TEX11: variants seen among roughly 807,000 people sequenced by gnomAD.
TEX11 encodes the protein testis-expressed protein 11.
TEX11 carries 7 observed loss-of-function variants against 84.4 expected under a neutral mutation model. The observed-to-expected ratio is 0.08, with a 90% CI of 0.05 to 0.16. The LOEUF is 0.16. TEX11 is among the 10% of genes least tolerant of loss of function. The pLI is 1.00. For missense variants in TEX11, 551 were observed against 660.5 expected (o/e 0.83, Z 1.82); for synonymous variants, 264 against 222.8 (o/e 1.18, Z -1.64).
rs2088261437 is a variant in TEX11 at position 70,554,539 on chromosome X, T to G, written c.2290+112A>C. ...TTAGAGAAGGAGAAACAAAGTGCTATGAGAAAAAATTATTTCCTACCTGGA... is the reference window on the plus strand; with the variant it reads ...TTAGAGAAGGAGAAACAAAGTGCTAGGAGAAAAAATTATTTCCTACCTGGA... On this transcript the variant is annotated intron_variant, in intron 26 of 29. Coordinates refer to ENST00000374333, the MANE Select transcript of TEX11 (RefSeq NM_031276.3). 4.2e-6 allele frequency: 3 copies of G among 706,041 alleles called. No homozygotes were observed. In the East Asian group the frequency reaches 1.1e-4, roughly 25 times the overall value. 58.2% of individuals were successfully genotyped at this position (706,041 alleles called of 1,213,427 possible). A position where few individuals can be genotyped will look rare whatever the true frequency, so the allele number is the denominator to read the frequency against.
At chrX:70,838,681 C>T (rs909214176) in intron 7 of TEX11, among the ~76,000 whole-genome samples, 140 of 112,392 alleles carry the variant, frequency 1.2e-3, no homozygotes, top group Non-Finnish European at 2.0e-3. Flanking sequence ...CAAAGCAGGG[C>T]GAGGCATCGC....
At chrX:70,632,119 C>T (rs1254993180) in intron 17 of TEX11, among the ~76,000 whole-genome samples, 2 of 64,755 alleles carry the variant, frequency 3.1e-5, no homozygotes, top group Non-Finnish European at 6.5e-5. Flanking sequence ...AAAGGAAAAC[C>T]TGAAAAAAAA....
At chrX:70,852,080 T>C (rs915291940) in intron 7 of TEX11, among the ~76,000 whole-genome samples, 2 of 112,480 alleles carry the variant, frequency 1.8e-5, no homozygotes, top group African/African-American at 3.2e-5. Flanking sequence ...TCTGTGAATA[T>C]ACTAAATTAC....
chrX:70,514,047 C>A, the TEX11 span, among the ~76,000 whole-genome samples: 1 of 109,183 alleles, frequency 9.2e-6, no homozygotes, highest in Non-Finnish European at 1.9e-5. Flanking sequence ...CATTATCCAA[C>A]TGTTTTTGAC....
intron 9 of TEX11, among the ~76,000 whole-genome samples, chrX:70,751,829 G>T (rs1483664231): frequency 9.0e-6 from 1 of 111,621 alleles, no homozygotes; most frequent in Non-Finnish European, 1.9e-5. Flanking sequence ...AGAATAATTT[G>T]AATTCATATG....
intron 23 of TEX11, among the ~76,000 whole-genome samples, chrX:70,606,162 A>T (rs780080896): frequency 1.8e-5 from 2 of 112,628 alleles, no homozygotes; most frequent in East Asian, 5.5e-4. Flanking sequence ...TTCAGTGATC[A>T]TAATCATCAT....
intron 8 of TEX11, among the ~76,000 whole-genome samples, chrX:70,826,367 G>T (rs1000328004): frequency 9.0e-6 from 1 of 110,578 alleles, no homozygotes; most frequent in African/African-American, 3.3e-5. Flanking sequence ...ATAAAAGCCT[G>T]CATTGTTTGT....
At chrX:70,644,065 A>T (rs2147594751) in intron 17 of TEX11, among the ~76,000 whole-genome samples, 1 of 103,427 alleles carries the variant, frequency 9.7e-6, no homozygotes, top group African/African-American at 3.5e-5. Context: ...GAACTCAAAC[A>T]AATTTACAAG....
chrX:70,712,745 A>T (rs1251071546), intron 13 of TEX11, among the ~76,000 whole-genome samples: 1 of 110,762 alleles, frequency 9.0e-6, no homozygotes, highest in African/African-American at 3.3e-5. Context: ...AACAGGGACA[A>T]TTTGACTTCC....
intron 13 of TEX11, among the ~76,000 whole-genome samples, chrX:70,711,237 C>T (rs889282819): frequency 1.8e-4 from 20 of 111,279 alleles, no homozygotes; most frequent in Non-Finnish European, 3.6e-4. Flanking sequence ...TGAATAGTGC[C>T]GCAATAAACA....
intron 11 of TEX11, among the ~76,000 whole-genome samples, chrX:70,728,728 C>T (rs942591862): frequency 9.6e-6 from 1 of 104,030 alleles, no homozygotes; most frequent in African/African-American, 3.5e-5. Context: ...GTAGACTCCA[C>T]CTCTGGGGGC....
chrX:70,855,720 G>A (rs745989955), intron 5 of TEX11, among the ~76,000 whole-genome samples: 22 of 111,175 alleles, frequency 2.0e-4, no homozygotes, highest in African/African-American at 7.2e-4. Context: ...CCATTAGGGC[G>A]GGCCCTAATC....
At chrX:70,883,479 G>A (rs1317613003) in intron 2 of TEX11, among the ~76,000 whole-genome samples, 2 of 110,813 alleles carry the variant, frequency 1.8e-5, no homozygotes, top group African/African-American at 3.3e-5. Context: ...CCAGCTACTC[G>A]GGTGGTTGAG....
At chrX:70,783,065 G>A (rs1393367032) in intron 9 of TEX11, among the ~76,000 whole-genome samples, 5 of 111,091 alleles carry the variant, frequency 4.5e-5, no homozygotes, top group Non-Finnish European at 9.4e-5. Flanking sequence ...TTCTAAAATT[G>A]ACCACATAAT....
At chrX:70,890,268 C>T (rs948247465) in intron 2 of TEX11, among the ~76,000 whole-genome samples, 3 of 111,943 alleles carry the variant, frequency 2.7e-5, no homozygotes, top group Admixed American at 9.5e-5. Flanking sequence ...CAGCTCCCAA[C>T]GTGATCGACA....
intron 25 of TEX11, among the ~76,000 whole-genome samples, chrX:70,572,327 C>T (rs1407816849): frequency 9.0e-5 from 10 of 111,466 alleles, no homozygotes; most frequent in East Asian, 2.8e-4. Context: ...GTTAGAATGG[C>T]GATTATTAAA....
intron 18 of TEX11, 126 bp downstream of exon 18, chrX:70,629,485 G>T (rs1344323964): frequency 1.3e-6 from 1 of 767,307 alleles, no homozygotes; most frequent in East Asian, 3.4e-5. Flanking sequence ...ACCAAGTTTG[G>T]CATGAAAATA....
At chrX:70,558,596 T>A (rs1197128665) in intron 25 of TEX11, among the ~76,000 whole-genome samples, 2 of 111,993 alleles carry the variant, frequency 1.8e-5, no homozygotes, top group African/African-American at 6.5e-5. Flanking sequence ...TAACGAATTT[T>A]GTATTTCAAA....
chrX:70,720,854 C>T (rs2090553685), intron 13 of TEX11, among the ~76,000 whole-genome samples: 2 of 108,347 alleles, frequency 1.8e-5, no homozygotes, highest in Non-Finnish European at 3.8e-5. Flanking sequence ...CAACTATATG[C>T]AACACATCTC....
Sources: gnomAD v4.1 joint callset for allele counts (sites outside exome capture counted in the v4.1 genomes callset) on GRCh38, gnomAD v4.1.1 for gene constraint, MANE v1.5 for transcripts, NCBI Gene and HGNC (gene_info 2026-07-23, HGNC 2026-07-21) for gene names.